PRKG1: variants seen among roughly 807,000 people sequenced by gnomAD.
The protein encoded by PRKG1 is protein kinase cGMP-dependent 1, also known as cGMP-dependent protein kinase 1.
In PRKG1, 35 loss-of-function variants were observed where a neutral mutation model predicts 88.1. The ratio of observed to expected loss-of-function variants is 0.40; its 90% confidence interval spans 0.30 to 0.53. The LOEUF (loss-of-function observed/expected upper bound fraction) is 0.53. PRKG1 is among the 20% of genes least tolerant of loss of function. PRKG1 has a pLI of 0.59. For missense variants in PRKG1, 540 were observed against 839.8 expected (o/e 0.64, Z 4.41); for synonymous variants, 303 against 292.5 (o/e 1.04, Z -0.37).
chr10:51,107,733 A>G (rs10761807), intron 1 of PRKG1, among the ~76,000 whole-genome samples: 32,540 of 138,266 alleles, frequency 0.24, 3,712 homozygotes, highest in Admixed American at 0.3. Flanking sequence ...CTGAGCTGGG[A>G]GGGTATTTTG....
chr10:51,507,997 G>A (rs1303720516), intron 3 of PRKG1, among the ~76,000 whole-genome samples: 1 of 151,966 alleles, frequency 6.6e-6, no homozygotes, highest in Non-Finnish European at 1.5e-5. Context: ...ATATACTATT[G>A]AGAGACAGCA....
chr10:51,225,930 G>A (rs1027422556), intron 2 of PRKG1, among the ~76,000 whole-genome samples: 1 of 152,100 alleles, frequency 6.6e-6, no homozygotes, highest in South Asian at 2.1e-4. Flanking sequence ...TGTGCTGGGC[G>A]CGATGGCTCA....
At chr10:51,549,275 C>T (rs1199823058) in intron 3 of PRKG1, among the ~76,000 whole-genome samples, 2 of 151,400 alleles carry the variant, frequency 1.3e-5, no homozygotes, top group Admixed American at 1.3e-4. Flanking sequence ...CAGGTGCGTG[C>T]CACCACGCCC....
intron 8 of PRKG1, among the ~76,000 whole-genome samples, chr10:52,140,250 T>C (rs1837539314): frequency 6.6e-6 from 1 of 152,192 alleles, no homozygotes; most frequent in African/African-American, 2.4e-5. Context: ...TTTTTCTCCA[T>C]CCTGTATTCA....
At chr10:52,210,178 CATT>C (rs1839930574) in intron 9 of PRKG1, among the ~76,000 whole-genome samples, 1 of 152,068 alleles carries the variant, frequency 6.6e-6, no homozygotes, top group South Asian at 2.1e-4. Flanking sequence ...TTGTCATCAT[CATT>C]GTCACTCTCC....
chr10:52,054,685 G>A, intron 6 of PRKG1, 124 bp downstream of exon 6: 1 of 739,346 alleles, frequency 1.4e-6, no homozygotes, highest in Non-Finnish European at 2.2e-6. Flanking sequence ...ACACAGAGAG[G>A]TATTAGAGAA....
At position 51,429,618 on chromosome 10, in the gene PRKG1, G is replaced by T. The variant is rs188513548; in HGVS notation, c.479-38105G>T. On this transcript the variant is annotated intron_variant, in intron 2 of 17. Coordinates refer to ENST00000373980, the MANE Select transcript of PRKG1 (RefSeq NM_006258.4). ...TGACAGCAATGACTCATTAAATAGA[G>T]AATATCAATATAGACATAAATTATC... Among the ~76,000 whole-genome samples the T allele has an allele frequency of 1.1e-3, 163 of 152,210 alleles. 3 individuals are homozygous for T. In the Middle Eastern group the frequency reaches 0.017, roughly 16 times the overall value.
intron 3 of PRKG1, among the ~76,000 whole-genome samples, chr10:51,522,955 T>C (rs1841773956): frequency 6.6e-6 from 1 of 152,234 alleles, no homozygotes; most frequent in Admixed American, 6.5e-5. Context: ...TACAGTCTTA[T>C]TTAAGTGATC....
chr10:51,630,760 C>A (rs967366987), intron 3 of PRKG1, among the ~76,000 whole-genome samples: 4 of 152,194 alleles, frequency 2.6e-5, no homozygotes, highest in African/African-American at 9.6e-5. Context: ...CGTGTGCTAT[C>A]TTTCGAACTG....
intron 2 of PRKG1, among the ~76,000 whole-genome samples, chr10:51,266,118 A>G (rs1839830157): frequency 6.6e-6 from 1 of 152,202 alleles, no homozygotes; most frequent in African/African-American, 2.4e-5. Context: ...TTAGGGAACC[A>G]TGAAATAGAA....
At chr10:51,572,172 T>C (rs1023366872) in intron 3 of PRKG1, among the ~76,000 whole-genome samples, 26 of 151,916 alleles carry the variant, frequency 1.7e-4, no homozygotes, top group Non-Finnish European at 1.5e-5. Flanking sequence ...TAAAACATAC[T>C]TTTTAATCTT....
intron 3 of PRKG1, among the ~76,000 whole-genome samples, chr10:51,597,869 A>C (rs1008791596): frequency 6.6e-6 from 1 of 152,226 alleles, no homozygotes; most frequent in African/African-American, 2.4e-5. Flanking sequence ...ACATAATAGC[A>C]ATTCTTAAAA....
At chr10:52,110,771 T>G (rs1228168472) in intron 7 of PRKG1, among the ~76,000 whole-genome samples, 1 of 152,170 alleles carries the variant, frequency 6.6e-6, no homozygotes, top group East Asian at 1.9e-4. Context: ...TACCACTTTA[T>G]GATCATTCGT....
At chr10:51,206,424 G>A (rs746540909) in intron 2 of PRKG1, among the ~76,000 whole-genome samples, 6 of 151,522 alleles carry the variant, frequency 4.0e-5, no homozygotes, top group Non-Finnish European at 5.9e-5. Context: ...CCCGGGAGGC[G>A]GAGGATGTAG....
At chr10:51,283,552 G>C (rs1023222253) in intron 2 of PRKG1, among the ~76,000 whole-genome samples, 3 of 152,112 alleles carry the variant, frequency 2.0e-5, no homozygotes, top group African/African-American at 7.2e-5. Flanking sequence ...GAGTATGTGT[G>C]TGAGTAAATT....
intron 9 of PRKG1, among the ~76,000 whole-genome samples, chr10:52,177,878 C>CT (rs1302112844): frequency 1.4e-4 from 20 of 142,646 alleles, no homozygotes; most frequent in Middle Eastern, 7.2e-3. Context: ...TTATTTGGTT[C>CT]TTTTTTTTTT....
At chr10:51,979,679 T>C (rs556793824) in intron 5 of PRKG1, among the ~76,000 whole-genome samples, 13 of 150,754 alleles carry the variant, frequency 8.6e-5, no homozygotes, top group African/African-American at 3.2e-4. Flanking sequence ...GAGTTCATTA[T>C]TGGTCTGATC....
chr10:51,230,436 G>A (rs1000542325), intron 2 of PRKG1, among the ~76,000 whole-genome samples: 3 of 152,144 alleles, frequency 2.0e-5, no homozygotes, highest in Admixed American at 6.6e-5. Context: ...TTACCAAAAA[G>A]ATGTAGCACT....
chr10:52,127,032 G>A (rs1847946343), intron 7 of PRKG1, among the ~76,000 whole-genome samples: 2 of 152,138 alleles, frequency 1.3e-5, no homozygotes, highest in Admixed American at 6.6e-5. Context: ...GAGAGTAGAG[G>A]CGAGGGGATC....
Sources: allele counts gnomAD v4.1 joint callset (sites outside exome capture counted in the v4.1 genomes callset), GRCh38; gene constraint gnomAD v4.1.1; transcripts MANE v1.5; gene names NCBI Gene and HGNC (gene_info 2026-07-23, HGNC 2026-07-21).